Variants in INPP4B observed in about 807,000 individuals in gnomAD.
INPP4B encodes inositol polyphosphate 4-phosphatase type II.
Under a neutral mutation model 122.5 loss-of-function variants are expected in INPP4B, and 55 were observed. That is an observed-to-expected ratio of 0.45 (90% CI 0.36 to 0.56). The LOEUF is 0.56. Ranked by LOEUF, INPP4B falls within the 20% of genes least tolerant of loss-of-function variation. The pLI, the probability that INPP4B is intolerant of heterozygous loss-of-function variation, is 0.00. For missense variants in INPP4B, 1,000 were observed against 1,097.7 expected (o/e 0.91, Z 1.26); for synonymous variants, 403 against 388.7 (o/e 1.04, Z -0.43).
chr4:142,274,827 C>T (rs1000171597), intron 9 of INPP4B, among the ~76,000 whole-genome samples: 4 of 151,390 alleles, frequency 2.6e-5, no homozygotes, highest in Admixed American at 2.6e-4. Flanking sequence ...GTCATTACCA[C>T]TGTTTAACGC....
At chr4:142,353,294 G>A (rs1782502383) in intron 7 of INPP4B, among the ~76,000 whole-genome samples, 1 of 151,918 alleles carries the variant, frequency 6.6e-6, no homozygotes, top group South Asian at 2.1e-4. Context: ...TAAGTTGCAA[G>A]CATAAATATT....
chr4:142,768,370 C>T (rs192853681), intron 1 of INPP4B, among the ~76,000 whole-genome samples: 3 of 152,214 alleles, frequency 2.0e-5, no homozygotes, highest in Non-Finnish European at 2.9e-5. Flanking sequence ...TCAAGATAAA[C>T]GTATATATTG....
chr4:142,050,200 G>C (rs1578727907), intron 25 of INPP4B, among the ~76,000 whole-genome samples: 1 of 151,950 alleles, frequency 6.6e-6, no homozygotes, highest in Admixed American at 6.6e-5. Context: ...TTGGCTAGGG[G>C]ATAGGGAAGA....
intron 15 of INPP4B, among the ~76,000 whole-genome samples, chr4:142,183,080 A>G (rs1352100264): frequency 6.6e-6 from 1 of 152,112 alleles, no homozygotes; most frequent in Non-Finnish European, 1.5e-5. Flanking sequence ...ATACTCTCCT[A>G]CACTCTAGAA....
rs77118452 is a variant in INPP4B, at chr4:142,567,186, T to C, written c.-190-104460A>G. Among the ~76,000 whole-genome samples, 167 of 152,302 alleles carry C rather than the reference T, an allele frequency of 1.1e-3. 5 individuals carry two copies. Among genetic ancestry groups the C allele is most frequent in the East Asian group, 1.9e-3 (10 of 5,182 alleles). The stretch of plus-strand genomic sequence containing the variant: ...TTTCGGTCTTCATTTCCTATATAAA[T>C]TGGCAAAAGTGTTGCATTCTGAATA... On this transcript the variant is annotated intron_variant, in intron 2 of 25. Transcript: ENST00000262992.
At chr4:142,372,669 G>A (rs1195827186) in intron 7 of INPP4B, among the ~76,000 whole-genome samples, 1 of 152,006 alleles carries the variant, frequency 6.6e-6, no homozygotes, top group African/African-American at 2.4e-5. Flanking sequence ...TTTCCAGTAC[G>A]ACTTCTGACA....
At chr4:142,310,677 C>CTTTTTTT (rs58821770) in intron 8 of INPP4B, among the ~76,000 whole-genome samples, 1 of 143,218 alleles carries the variant, frequency 7.0e-6, no homozygotes, top group Non-Finnish European at 1.5e-5. Flanking sequence ...AGCCCCAGTA[C>CTTTTTTT]TTTTTTTTTT....
chr4:142,676,394 A>ATAT (rs1757783208), intron 2 of INPP4B, among the ~76,000 whole-genome samples: 1 of 151,618 alleles, frequency 6.6e-6, no homozygotes, highest in Non-Finnish European at 1.5e-5. Context: ...GGAAGAATCA[A>ATAT]CATTAAAATG....
intron 2 of INPP4B, among the ~76,000 whole-genome samples, chr4:142,586,348 GACA>G (rs1736211501): frequency 6.6e-6 from 1 of 151,924 alleles, no homozygotes; most frequent in Non-Finnish European, 1.5e-5. Flanking sequence ...CAACAACAAC[GACA>G]ACAACAACAA....
intron 2 of INPP4B, among the ~76,000 whole-genome samples, chr4:142,517,950 A>G (rs1446924328): frequency 6.6e-6 from 1 of 152,164 alleles, no homozygotes; most frequent in African/African-American, 2.4e-5. Flanking sequence ...GTAGAGGTAA[A>G]TTACTCACTG....
intron 2 of INPP4B, among the ~76,000 whole-genome samples, chr4:142,707,890 T>C (rs114394635): frequency 2.7e-4 from 41 of 152,304 alleles, no homozygotes; most frequent in African/African-American, 9.6e-4. Flanking sequence ...AGAAGAAAGA[T>C]AAAGGAAAGT....
chr4:142,772,920 C>G (rs900591337), intron 1 of INPP4B, among the ~76,000 whole-genome samples: 2 of 152,040 alleles, frequency 1.3e-5, no homozygotes, highest in Non-Finnish European at 2.9e-5. Context: ...GTGGCACACA[C>G]CTTTAATCCC....
chr4:142,202,812 T>A, intron 14 of INPP4B: 1 of 982,796 alleles, frequency 1.0e-6, no homozygotes, highest in Non-Finnish European at 1.2e-6. Context: ...GGGGCCGTGC[T>A]TGACAGGTGT....
chr4:142,566,404 GA>G (rs1431874144), intron 2 of INPP4B, among the ~76,000 whole-genome samples: 4 of 152,146 alleles, frequency 2.6e-5, no homozygotes, highest in South Asian at 2.1e-4. Flanking sequence ...AAAAGGAGGG[GA>G]AAAAAGAGTC....
intron 9 of INPP4B, among the ~76,000 whole-genome samples, chr4:142,299,156 C>CTTT (rs1010706761): frequency 7.6e-5 from 8 of 104,764 alleles, no homozygotes; most frequent in South Asian, 3.2e-4. Flanking sequence ...TTCTTTCTTT[C>CTTT]TTTTTTTTTT....
At chr4:142,624,384 T>C (rs1745779844) in intron 2 of INPP4B, among the ~76,000 whole-genome samples, 1 of 151,792 alleles carries the variant, frequency 6.6e-6, no homozygotes, top group Admixed American at 6.6e-5. Context: ...AAGTGTCTGT[T>C]CATGTCCTTC....
At chr4:142,804,697 C>T (rs1778458110) in intron 1 of INPP4B, among the ~76,000 whole-genome samples, 1 of 152,158 alleles carries the variant, frequency 6.6e-6, no homozygotes, top group Non-Finnish European at 1.5e-5. Context: ...GACATGGTCT[C>T]ACTCTGTTAC....
chr4:142,341,720 C>T (rs140621285), intron 7 of INPP4B, among the ~76,000 whole-genome samples: 1 of 152,276 alleles, frequency 6.6e-6, no homozygotes, highest in African/African-American at 2.4e-5. Flanking sequence ...TTTTAGCAGA[C>T]TAGTGCCAGC....
rs1182275353 is a variant in INPP4B, at chr4:142,810,786, A to ATT, written c.-254+35421_-254+35422dup. Among the ~76,000 whole-genome samples, 24 of 152,264 alleles carry ATT rather than the reference A, an allele frequency of 1.6e-4. No homozygotes were observed. In the Middle Eastern group the frequency reaches 0.01, roughly 65 times the overall value. On this transcript the variant is annotated intron_variant, in intron 1 of 25. Coordinates refer to ENST00000262992, the MANE Select transcript of INPP4B (RefSeq NM_001101669.3). ...TTGTAATCCTAAAGTCACTAAAGAA[A>ATT]TTTTCCAGGACCGAATCTTGTTGGT...
Sources: gnomAD v4.1 joint callset for allele counts (sites outside exome capture counted in the v4.1 genomes callset) on GRCh38, gnomAD v4.1.1 for gene constraint, MANE v1.5 for transcripts, NCBI Gene and HGNC (gene_info 2026-07-23, HGNC 2026-07-21) for gene names.